The following NLK variants were observed in gnomAD, a reference collection of about 807,000 sequenced individuals.
NLK encodes the protein nemo like kinase.
NLK carries 11 observed loss-of-function variants against 59.0 expected under a neutral mutation model. The ratio of observed to expected loss-of-function variants is 0.19; its 90% CI spans 0.12 to 0.31. The LOEUF (loss-of-function observed/expected upper bound fraction) is 0.31. NLK is among the 10% of genes least tolerant of loss of function. The probability of loss-of-function intolerance (pLI) is 1.00; values close to 1 mark genes in which losing one functional copy is unlikely to be tolerated. For synonymous variants in NLK, 235 were observed against 235.9 expected, an observed-to-expected ratio of 1.00 and a Z score of 0.03; for missense variants, 410 against 661.1, an observed-to-expected ratio of 0.62 and a Z score of 4.16.
intron 7 of NLK, 43 bp from the exon 8 acceptor site, chr17:28,185,136 A>T (rs754165890): frequency 3.3e-6 from 4 of 1,224,146 alleles, no homozygotes; most frequent in South Asian, 2.8e-5. Context: ...AGCTGTTTAC[A>T]CAAAGACTCA....
At chr17:28,122,777 T>A (rs752378064) in intron 2 of NLK, 45 bp downstream of exon 2, 1 of 1,608,104 alleles carries the variant, frequency 6.2e-7, no homozygotes, top group South Asian at 1.1e-5. Context: ...CTAAGCCTCC[T>A]GCATTGAATT....
At chr17:28,113,005 G>A (rs1437990801) in intron 1 of NLK, among the ~76,000 whole-genome samples, 1 of 152,144 alleles carries the variant, frequency 6.6e-6, no homozygotes, top group African/African-American at 2.4e-5. Flanking sequence ...GGCTGGTATA[G>A]ATGTATATCT....
At chr17:28,091,703 C>T (rs984144157) in intron 1 of NLK, among the ~76,000 whole-genome samples, 1 of 152,122 alleles carries the variant, frequency 6.6e-6, no homozygotes. Flanking sequence ...AAACGACACT[C>T]CAGTGAGACA....
intron 3 of NLK, among the ~76,000 whole-genome samples, chr17:28,145,899 G>A (rs939216692): frequency 2.0e-5 from 3 of 152,116 alleles, no homozygotes; most frequent in African/African-American, 7.2e-5. Flanking sequence ...TAGAGACAGT[G>A]TTTCACTGTG....
chr17:28,092,984 G>A (rs1382498979), intron 1 of NLK, among the ~76,000 whole-genome samples: 1 of 151,666 alleles, frequency 6.6e-6, no homozygotes, highest in Non-Finnish European at 1.5e-5. Context: ...TAGTAGAGAC[G>A]GGGTTTCACC....
chr17:28,096,471 T>C (rs113950490), intron 1 of NLK, among the ~76,000 whole-genome samples: 4 of 152,298 alleles, frequency 2.6e-5, no homozygotes, highest in African/African-American at 9.6e-5. Flanking sequence ...TCCTACAATA[T>C]AGTCTCAGAT....
chr17:28,169,214 T>A (rs1176973195), intron 6 of NLK, among the ~76,000 whole-genome samples: 2 of 152,248 alleles, frequency 1.3e-5, no homozygotes, highest in African/African-American at 4.8e-5. Flanking sequence ...CACTGATGCA[T>A]AGCTGTGAGC....
chr17:28,059,689 G>A (rs1909562868), intron 1 of NLK, among the ~76,000 whole-genome samples: 2 of 152,074 alleles, frequency 1.3e-5, no homozygotes, highest in African/African-American at 4.8e-5. Context: ...AACAAAGAAT[G>A]GTTTATTCCA....
At chr17:28,066,076 TC>T (rs1909813053) in intron 1 of NLK, among the ~76,000 whole-genome samples, 1 of 152,204 alleles carries the variant, frequency 6.6e-6, no homozygotes, top group African/African-American at 2.4e-5. Context: ...AGTCTCCAGA[TC>T]CTGTTCTCTT....
chr17:28,125,346 G>A (rs535141031), intron 2 of NLK, among the ~76,000 whole-genome samples: 15 of 152,170 alleles, frequency 9.9e-5, no homozygotes, highest in Non-Finnish European at 2.2e-4. Context: ...TTTGAATTGT[G>A]GTTCTACTAT....
rs34619765 is a variant in NLK at position 28,065,123 on chromosome 17, A to T, written c.458+21792A>T. On this transcript the variant is annotated intron_variant, in intron 1 of 10. Transcript: ENST00000407008. The stretch of plus-strand genomic sequence containing the variant: ...AAACAAATTGCAATAAAGATATATA[A>T]ATACAGATAAGTACAGAATGGTTAC... 6.6e-3 allele frequency among the ~76,000 whole-genome samples: 1,000 copies of T among 152,290 alleles called. 17 individuals are homozygous for T. The highest frequency in any genetic ancestry group is 0.022 in the African/African-American group (931 of 41,564).
chr17:28,136,319 T>C (rs923058779), intron 3 of NLK, among the ~76,000 whole-genome samples: 2 of 152,154 alleles, frequency 1.3e-5, no homozygotes, highest in African/African-American at 4.8e-5. Flanking sequence ...AATTCTTAGC[T>C]ACATGTAGAA....
At chr17:28,151,146 A>G (rs1907464271) in intron 3 of NLK, among the ~76,000 whole-genome samples, 1 of 152,186 alleles carries the variant, frequency 6.6e-6, no homozygotes, top group Non-Finnish European at 1.5e-5. Context: ...TTAATGTGCA[A>G]CAGACCTGGA....
rs114447424 is a variant in NLK, at chr17:28,080,746, T to G, written c.458+37415T>G. On this transcript the variant is annotated intron_variant, in intron 1 of 10. Transcript: ENST00000407008. The stretch of plus-strand genomic sequence containing the variant: ...ATAATCATGTCAAATATTTTGAAAA[T>G]TTGTTGAAAACAGAAGACCAAACAT... 6.3e-3 allele frequency among the ~76,000 whole-genome samples: 960 copies of G among 152,250 alleles called. 7 individuals are homozygous for G. Among genetic ancestry groups the G allele is most frequent in the African/African-American group, 0.023 (937 of 41,540 alleles).
intron 1 of NLK, among the ~76,000 whole-genome samples, chr17:28,083,536 C>T (rs2142768758): frequency 6.6e-6 from 1 of 152,186 alleles, no homozygotes; most frequent in South Asian, 2.1e-4. Context: ...AGTTCCCAGC[C>T]CAGAACTCCT....
rs117902573 is a variant in NLK at position 28,068,980 on chromosome 17, T to C, written c.458+25649T>C. On this transcript the variant is annotated intron_variant, in intron 1 of 10. Transcript: ENST00000407008. ...AGGTGTAAGCCACACACCTAGCCTTTTTTGATGTGTTTCTACTATAGTAAG... is the reference window on the plus strand; with the variant it reads ...AGGTGTAAGCCACACACCTAGCCTTCTTTGATGTGTTTCTACTATAGTAAG... Among the ~76,000 whole-genome samples the C allele has an allele frequency of 4.7e-3, 715 of 152,278 alleles. 3 individuals carry two copies. The highest frequency in any genetic ancestry group is 8.0e-3 in the Non-Finnish European group (546 of 68,006).
chr17:28,118,836 A>T (rs1905897661), intron 1 of NLK, among the ~76,000 whole-genome samples: 1 of 152,184 alleles, frequency 6.6e-6, no homozygotes, highest in Non-Finnish European at 1.5e-5. Context: ...ACGACTCTTA[A>T]ACATGCTGCT....
chr17:28,193,032 T>G (rs1909364380), intron 10 of NLK, among the ~76,000 whole-genome samples: 1 of 152,348 alleles, frequency 6.6e-6, no homozygotes, highest in Admixed American at 6.5e-5. Context: ...CTTCTCTTGA[T>G]TTCTTTTTCC....
At position 28,070,107 on chromosome 17, in the gene NLK, A is replaced by C. The variant is rs1451389885; in HGVS notation, c.458+26776A>C. Among the ~76,000 whole-genome samples the C allele has an allele frequency of 2.0e-5, 3 of 151,900 alleles. No individual in the cohort carries two copies. In the East Asian group the frequency reaches 5.9e-4, roughly 30 times the overall value. ...AAAAATTAGTGAGGCATAGTGGCCTATGCCTGTAATCCCAGCTACTCAGGA... is the reference window on the plus strand; with the variant it reads ...AAAAATTAGTGAGGCATAGTGGCCTCTGCCTGTAATCCCAGCTACTCAGGA... On this transcript the variant is annotated intron_variant, in intron 1 of 10. Coordinates refer to ENST00000407008, the MANE Select transcript of NLK (RefSeq NM_016231.5).
Sources: gnomAD v4.1 joint callset for allele counts (sites outside exome capture counted in the v4.1 genomes callset) on GRCh38, gnomAD v4.1.1 for gene constraint, MANE v1.5 for transcripts, NCBI Gene and HGNC (gene_info 2026-07-23, HGNC 2026-07-21) for gene names.